The following NEK5 variants were observed in gnomAD, a reference collection of about 807,000 sequenced individuals.
NEK5 encodes serine/threonine-protein kinase Nek5.
Under a neutral mutation model 109.2 loss-of-function variants are expected in NEK5, and 88 were observed. The observed-to-expected ratio is 0.81, with a 90% CI of 0.68 to 0.96. NEK5 has a LOEUF of 0.96. Among genes scored for constraint, NEK5 ranks in the 40% least tolerant of loss-of-function variants. The pLI, the probability that NEK5 is intolerant of heterozygous loss-of-function variation, is 0.00. For missense variants in NEK5, 834 were observed against 920.7 expected (o/e 0.91, Z 1.22); for synonymous variants, 283 against 299.9 (o/e 0.94, Z 0.58).
intron 16 of NEK5, among the ~76,000 whole-genome samples, chr13:52,084,734 T>A (rs150805261): frequency 0.043 from 4,666 of 109,556 alleles, 130 homozygotes; most frequent in African/African-American, 0.045. Context: ...AGAGAGAGAG[T>A]GAGAGAGAGA....
At chr13:52,099,541 A>G (rs984665829) in intron 12 of NEK5, among the ~76,000 whole-genome samples, 2 of 152,154 alleles carry the variant, frequency 1.3e-5, no homozygotes. Flanking sequence ...ATAGTGGCAC[A>G]CGTCTGTAGT....
At chr13:52,064,227 G>T (rs1954647427) in intron 21 of NEK5, among the ~76,000 whole-genome samples, 2 of 145,592 alleles carry the variant, frequency 1.4e-5, no homozygotes, top group African/African-American at 2.5e-5. Flanking sequence ...GAGGGAGGTG[G>T]GGGGGTCAGC....
intron 13 of NEK5, among the ~76,000 whole-genome samples, chr13:52,092,314 C>G (rs1257767650): frequency 6.6e-6 from 1 of 152,068 alleles, no homozygotes; most frequent in Non-Finnish European, 1.5e-5. Flanking sequence ...ACATGTAATT[C>G]CCACGTAATT....
chr13:52,042,991 CAAG>C (rs1418242802), intron 23 of NEK5, among the ~76,000 whole-genome samples: 6 of 151,766 alleles, frequency 4.0e-5, no homozygotes, highest in African/African-American at 1.5e-4. Context: ...TTTCACATGA[CAAG>C]GAGCACATAA....
chr13:52,102,833 A>C (rs1315166457), intron 9 of NEK5, among the ~76,000 whole-genome samples: 4 of 152,214 alleles, frequency 2.6e-5, no homozygotes, highest in Non-Finnish European at 5.9e-5. Flanking sequence ...ATTCTGTCTT[A>C]TTATCAAAAT....
At chr13:52,067,520 T>C (rs1954709452) in intron 20 of NEK5, among the ~76,000 whole-genome samples, 1 of 152,106 alleles carries the variant, frequency 6.6e-6, no homozygotes, top group Non-Finnish European at 1.5e-5. Context: ...AAATAGTTCC[T>C]TCTCCTTTTG....
intron 1 of NEK5, among the ~76,000 whole-genome samples, chr13:52,128,600 TG>T (rs1956114532): frequency 6.6e-6 from 1 of 152,098 alleles, no homozygotes; most frequent in Non-Finnish European, 1.5e-5. Context: ...TGCAGGGGGC[TG>T]GGAACCAGCT....
At chr13:52,052,501 G>A (rs1477670349) in intron 22 of NEK5, among the ~76,000 whole-genome samples, 2 of 152,104 alleles carry the variant, frequency 1.3e-5, no homozygotes, top group African/African-American at 4.8e-5. Flanking sequence ...ACCAGCCTCA[G>A]GGGAACGTAT....
intron 22 of NEK5, among the ~76,000 whole-genome samples, chr13:52,055,559 G>A (rs1366086989): frequency 6.6e-6 from 1 of 152,112 alleles, no homozygotes; most frequent in African/African-American, 2.4e-5. Flanking sequence ...GAAATGTCAG[G>A]TTATCCTCAA....
In NEK5 at chr13:52,112,338, T is replaced by A; in HGVS notation, c.242A>T (p.Glu81Val). Residue 81 changes from glutamate (E) to valine (V), a missense_variant, in exon 5 of 24, where the codon GAA (glutamate) becomes GTA (valine). Glu to Val is a moderately radical substitution (Grantham distance 121). This residue lies in a region of NEK5 where 777 missense variants were observed against 824.7 expected (regional missense o/e 0.94). Transcript: ENST00000684899. ...CATGAGATCCCCTCCATCACAATAT[T>A]CCATTACAATAAACAGCCTGCCATT... ...QENGRLFIVM[E>V]YCDGGDLMKR... 1 of 1,608,268 alleles carries A rather than the reference T, an allele frequency of 6.2e-7. No homozygotes were observed. The highest frequency in any genetic ancestry group is 1.1e-5 in the South Asian group (1 of 90,858).
intron 17 of NEK5, among the ~76,000 whole-genome samples, chr13:52,081,345 C>T (rs1955009472): frequency 6.6e-6 from 1 of 152,106 alleles, no homozygotes; most frequent in African/African-American, 2.4e-5. Flanking sequence ...GAGGAGCCTT[C>T]AGGAAATATC....
At chr13:52,043,529 T>A (rs1593914318) in intron 23 of NEK5, among the ~76,000 whole-genome samples, 1 of 119,498 alleles carries the variant, frequency 8.4e-6, no homozygotes. Flanking sequence ...AGAGCAAGAC[T>A]CCATCTCAAA....
At chr13:52,080,602 G>A (rs1226644700) in intron 17 of NEK5, among the ~76,000 whole-genome samples, 1 of 152,164 alleles carries the variant, frequency 6.6e-6, no homozygotes, top group Non-Finnish European at 1.5e-5. Flanking sequence ...CCCCAACCCT[G>A]TGCCCTCTGA....
chr13:52,091,936 T>C (rs1955292986), intron 13 of NEK5, among the ~76,000 whole-genome samples: 2 of 152,190 alleles, frequency 1.3e-5, no homozygotes, highest in Non-Finnish European at 2.9e-5. Context: ...TCAAAATGTC[T>C]CAAATGATCA....
rs1378235826 is a variant in NEK5 at position 52,095,265 on chromosome 13, TTTTC to T, written c.1027-2034_1027-2031del. 3.3e-5 allele frequency among the ~76,000 whole-genome samples: 5 copies of T among 152,226 alleles called. No homozygotes were observed. In the East Asian group the frequency reaches 9.6e-4, roughly 29 times the overall value. On this transcript the variant is annotated intron_variant, in intron 12 of 23. Transcript: ENST00000684899. Reference sequence around the variant, plus strand: ...TAAAATCTTTTAAAACAAGAAGTAGTTTTCTTTGTTTTACAATTTCACCTATATA... The same window carrying T: ...TAAAATCTTTTAAAACAAGAAGTAGTTTTGTTTTACAATTTCACCTATATA...
chr13:52,115,344 C>T lies in NEK5; in HGVS notation c.215-2979G>A, dbSNP rs185173706. 5.1e-4 allele frequency among the ~76,000 whole-genome samples: 78 copies of T among 151,772 alleles called. 2 individuals carry two copies. In the East Asian group the frequency reaches 0.013, roughly 25 times the overall value. On this transcript the variant is annotated intron_variant, in intron 4 of 23. Coordinates refer to ENST00000684899, the MANE Select transcript of NEK5 (RefSeq NM_001365552.1). The stretch of plus-strand genomic sequence containing the variant: ...TACTGGCCAGGTGCAGTGGCTCATG[C>T]CTGTAATCCCAGCACTTTGGGAGGC...
intron 16 of NEK5, among the ~76,000 whole-genome samples, chr13:52,084,762 A>AGAGAGAGTGTGT (rs1228944662): frequency 1.5e-4 from 7 of 47,438 alleles, no homozygotes; most frequent in African/African-American, 3.7e-4. Flanking sequence ...AGAGAGAGAG[A>AGAGAGAGTGTGT]GTGTGTGTGT....
intron 3 of NEK5, among the ~76,000 whole-genome samples, chr13:52,126,762 G>C (rs1355330216): frequency 6.6e-6 from 1 of 152,210 alleles, no homozygotes; most frequent in Non-Finnish European, 1.5e-5. Flanking sequence ...CTAGGTGACA[G>C]AGCGAGACTC....
intron 4 of NEK5, among the ~76,000 whole-genome samples, chr13:52,114,167 T>C (rs1263015487): frequency 6.6e-6 from 1 of 152,236 alleles, no homozygotes; most frequent in Non-Finnish European, 1.5e-5. Flanking sequence ...TTCATTCTTT[T>C]GTACCTAAAC....
Sources: gnomAD v4.1 joint callset for allele counts (sites outside exome capture counted in the v4.1 genomes callset) on GRCh38, gnomAD v4.1.1 for gene constraint, gnomAD v4.1.1 regional missense constraint, MANE v1.5 for transcripts, NCBI Gene and HGNC (gene_info 2026-07-23, HGNC 2026-07-21) for gene names.